CEP85L: variants seen among roughly 807,000 people sequenced by gnomAD.
The protein encoded by CEP85L is centrosomal protein 85L.
CEP85L carries 60 observed loss-of-function variants against 100.3 expected under a neutral mutation model. The ratio of observed to expected loss-of-function variants is 0.60; its 90% confidence interval spans 0.49 to 0.74. The LOEUF (loss-of-function observed/expected upper bound fraction) is 0.74, where lower values mean the gene tolerates loss of function less well. Among genes scored for constraint, CEP85L ranks in the 30% least tolerant of loss-of-function variants. The pLI, the probability that CEP85L is intolerant of heterozygous loss-of-function variation, is 0.00. For synonymous variants in CEP85L, 319 were observed against 322.7 expected, an observed-to-expected ratio of 0.99 and a Z score of 0.12; for missense variants, 973 against 936.2, an observed-to-expected ratio of 1.04 and a Z score of -0.51.
intron 2 of CEP85L, among the ~76,000 whole-genome samples, chr6:118,628,742 C>A (rs1773964292): frequency 6.6e-6 from 1 of 152,082 alleles, no homozygotes; most frequent in African/African-American, 2.4e-5. Flanking sequence ...AAATTTAACT[C>A]AAAATAGATC....
In CEP85L at chr6:118,557,244, G is replaced by A. The variant is rs561240083; in HGVS notation, c.1020+8285C>T. On this transcript the variant is annotated intron_variant, in intron 3 of 12. Coordinates refer to ENST00000368491, the MANE Select transcript of CEP85L (RefSeq NM_001042475.3). The stretch of plus-strand genomic sequence containing the variant: ...TTTTAGATTAAAATTAAGATCCAGG[G>A]AACAATTTGTTGTATGCATTTCCTT... 3.3e-5 allele frequency among the ~76,000 whole-genome samples: 5 copies of A among 152,186 alleles called. No homozygotes were observed. In the East Asian group the frequency reaches 9.6e-4, roughly 29 times the overall value.
chr6:118,630,048 T>C (rs1156346089), intron 2 of CEP85L, among the ~76,000 whole-genome samples: 1 of 152,222 alleles, frequency 6.6e-6, no homozygotes, highest in East Asian at 1.9e-4. Context: ...GCCAGTCACC[T>C]GAGGATGCAG....
chr6:118,644,651 G>A (rs371082149), intron 1 of CEP85L, among the ~76,000 whole-genome samples: 19 of 152,154 alleles, frequency 1.2e-4, no homozygotes, highest in African/African-American at 4.6e-4. Flanking sequence ...TATAATCACA[G>A]AAGCCAAAAT....
At chr6:118,574,078 G>GC (rs1344924938) in intron 2 of CEP85L, 5 of 152,278 alleles carry the variant, frequency 3.3e-5, no homozygotes, top group Non-Finnish European at 7.3e-5. Context: ...AGCCCTTCCT[G>GC]CTCAATCTGT....
intron 3 of CEP85L, chr6:118,558,792 G>T: frequency 1.4e-6 from 1 of 720,626 alleles, no homozygotes; most frequent in Non-Finnish European, 2.5e-6. Flanking sequence ...TTACATAGAT[G>T]ATTCTAATCC....
chr6:118,680,302 GTTGCTTTT>G (rs1562356067), intron 1 of CEP85L, among the ~76,000 whole-genome samples: 1 of 61,632 alleles, frequency 1.6e-5, no homozygotes, highest in Admixed American at 1.8e-4. Context: ...TTTCCTTGGT[GTTGCTTTT>G]TTTTTTTTTT....
chr6:118,637,158 T>C (rs1774541010), intron 1 of CEP85L, among the ~76,000 whole-genome samples: 3 of 152,272 alleles, frequency 2.0e-5, no homozygotes, highest in South Asian at 2.1e-4. Flanking sequence ...CTAACTTTTA[T>C]ACAAAAAAAG....
rs1781712929 is a variant in CEP85L at position 118,600,353 on chromosome 6, GTGTGTGTGTGTGTGTGT to G, written c.232+32083_232+32099del. 2.9e-5 allele frequency among the ~76,000 whole-genome samples: 4 copies of G among 139,604 alleles called. 1 individual carries two copies. Among genetic ancestry groups the G allele is most frequent in the Middle Eastern group, 7.1e-3 (2 of 280 alleles). The allele number at this position is 139,604 out of a possible 152,430, so 91.6% of individuals were successfully genotyped here. On this transcript the variant is annotated intron_variant, in intron 2 of 12. Coordinates refer to ENST00000368491, the MANE Select transcript of CEP85L (RefSeq NM_001042475.3). ...TGTGTGTGTGTGTGTGTGTGTGTGT[GTGTGTGTGTGTGTGTGT>G]AACGCCATGGAGCAATCTCAGCTCA...
chr6:118,525,518 C>T (rs1776914975), intron 3 of CEP85L, among the ~76,000 whole-genome samples: 1 of 152,106 alleles, frequency 6.6e-6, no homozygotes, highest in South Asian at 2.1e-4. Context: ...GACCTACGTA[C>T]ACAAGGAAGA....
Position 118,465,587 on chromosome 6 carries a change from G to A in CEP85L, c.2255-19C>T. Reference sequence around the variant, plus strand: ...TTCATTGCTGTGTAAATAAAACATAGAGAGAATATCTCACATTTTTTTGAA... The same window carrying A: ...TTCATTGCTGTGTAAATAAAACATAAAGAGAATATCTCACATTTTTTTGAA... On this transcript the variant is annotated intron_variant, in intron 12 of 12. Coordinates refer to ENST00000368491, the MANE Select transcript of CEP85L (RefSeq NM_001042475.3). The A allele has an allele frequency of 1.3e-6, 2 of 1,598,914 alleles. No homozygotes were observed. The highest frequency in any genetic ancestry group is 1.7e-6 in the Non-Finnish European group (2 of 1,173,874).
intron 2 of CEP85L, among the ~76,000 whole-genome samples, chr6:118,608,506 A>AG (rs1339288698): frequency 7.2e-5 from 11 of 152,106 alleles, no homozygotes; most frequent in Non-Finnish European, 1.6e-4. Flanking sequence ...AAAAAAAAAA[A>AG]GAACATTTCT....
intron 2 of CEP85L, among the ~76,000 whole-genome samples, chr6:118,572,155 C>A (rs1779929723): frequency 6.6e-6 from 1 of 151,740 alleles, no homozygotes; most frequent in Admixed American, 6.6e-5. Flanking sequence ...CACTCCTGGC[C>A]CAGGTAATAA....
At chr6:118,465,782 T>C (rs1227462666) in intron 12 of CEP85L, among the ~76,000 whole-genome samples, 2 of 152,132 alleles carry the variant, frequency 1.3e-5, no homozygotes, top group Admixed American at 6.6e-5. Context: ...CTGAATTAAA[T>C]GCACACAGTG....
chr6:118,684,173 C>G (rs1776756358), intron 1 of CEP85L, among the ~76,000 whole-genome samples: 1 of 152,096 alleles, frequency 6.6e-6, no homozygotes, highest in Non-Finnish European at 1.5e-5. Flanking sequence ...TAAACATAAC[C>G]CTTTCTGGCG....
At chr6:118,538,017 G>C in intron 3 of CEP85L, 2 of 657,746 alleles carry the variant, frequency 3.0e-6, no homozygotes, top group Non-Finnish European at 3.8e-6. Flanking sequence ...AAAATTTAAA[G>C]AATCTTTATT....
upstream of CEP85L, chr6:118,652,823 A>G (rs1021632526): frequency 1.9e-6 from 2 of 1,074,154 alleles, no homozygotes; most frequent in East Asian, 2.6e-5. Context: ...TGATAAAAAG[A>G]TACAGAAACA....
chr6:118,595,018 C>CT (rs1171865871), intron 2 of CEP85L, among the ~76,000 whole-genome samples: 5 of 151,738 alleles, frequency 3.3e-5, no homozygotes, highest in East Asian at 1.9e-4. Flanking sequence ...AAGTAAGTTT[C>CT]TTTTTTTTGC....
intron 1 of CEP85L, among the ~76,000 whole-genome samples, chr6:118,670,047 C>A (rs1187918747): frequency 6.6e-6 from 1 of 151,342 alleles, no homozygotes; most frequent in Non-Finnish European, 1.5e-5. Context: ...GAATTATTCC[C>A]AATTCTTCCC....
intron 1 of CEP85L, among the ~76,000 whole-genome samples, chr6:118,635,400 A>G (rs1309921132): frequency 2.0e-5 from 3 of 152,178 alleles, no homozygotes; most frequent in Non-Finnish European, 4.4e-5. Flanking sequence ...ACATTTACAT[A>G]CATGGAAGAA....
Sources: allele counts gnomAD v4.1 joint callset (sites outside exome capture counted in the v4.1 genomes callset), GRCh38; gene constraint gnomAD v4.1.1; transcripts MANE v1.5; gene names NCBI Gene and HGNC (gene_info 2026-07-23, HGNC 2026-07-21).